The following MTCL2 variants were observed in gnomAD, a reference collection of about 807,000 sequenced individuals.
MTCL2 encodes the protein microtubule crosslinking factor 2, also known as microtubule cross-linking factor 2.
At chr20:36,852,623 G>A in the MTCL2 span, among the ~76,000 whole-genome samples, 2 of 152,192 alleles carry the variant, frequency 1.3e-5, no homozygotes, top group African/African-American at 4.8e-5. Flanking sequence ...AGAAGGACAG[G>A]GGACAATCCC....
the MTCL2 span, among the ~76,000 whole-genome samples, chr20:36,858,013 C>A: frequency 2.0e-5 from 3 of 152,084 alleles, no homozygotes; most frequent in Non-Finnish European, 4.4e-5. Context: ...AGGCTCCGGG[C>A]CCCCAGCATG....
the MTCL2 span, among the ~76,000 whole-genome samples, chr20:36,822,515 T>C: frequency 6.6e-6 from 1 of 152,232 alleles, no homozygotes; most frequent in South Asian, 2.1e-4. Context: ...GCCTGAGCTA[T>C]GTCCTCCCTT....
the MTCL2 span, among the ~76,000 whole-genome samples, chr20:36,789,089 C>A: frequency 3.9e-3 from 594 of 152,208 alleles, 2 homozygotes; most frequent in African/African-American, 0.013. Flanking sequence ...TTTTCTTTAT[C>A]CATCTCTGTG....
the MTCL2 span, among the ~76,000 whole-genome samples, chr20:36,791,882 A>C: frequency 6.6e-6 from 1 of 152,270 alleles, no homozygotes; most frequent in African/African-American, 2.4e-5. Context: ...TTTATAAAAC[A>C]TGCCATCCTT....
the MTCL2 span, chr20:36,797,495 C>T: frequency 6.4e-7 from 1 of 1,553,124 alleles, no homozygotes; most frequent in East Asian, 2.4e-5. Flanking sequence ...GCAGCCGCCC[C>T]ACTCACCTCC....
the MTCL2 span, among the ~76,000 whole-genome samples, chr20:36,833,825 C>A: frequency 6.6e-6 from 1 of 151,888 alleles, no homozygotes; most frequent in South Asian, 2.1e-4. Context: ...GTACTGCAGC[C>A]TGGGTGACAA....
At chr20:36,811,516 C>T in the MTCL2 span, among the ~76,000 whole-genome samples, 1 of 151,892 alleles carries the variant, frequency 6.6e-6, no homozygotes, top group Non-Finnish European at 1.5e-5. Context: ...ATAGTCCCAC[C>T]TAACTGGGAG....
the MTCL2 span, among the ~76,000 whole-genome samples, chr20:36,837,590 A>G: frequency 8.5e-6 from 1 of 117,888 alleles, no homozygotes; most frequent in African/African-American, 3.4e-5. Context: ...TATTATTATT[A>G]TTTTTGAGAC....
chr20:36,815,165 C>T, the MTCL2 span: 1 of 1,611,602 alleles, frequency 6.2e-7, no homozygotes, highest in African/African-American at 1.3e-5. The surrounding 1 kb of genome is among the most constrained non-coding windows in gnomAD (Gnocchi z 5.3). Context: ...GAAGAATCTC[C>T]TTAGAGAGCC....
At chr20:36,808,534 G>T in the MTCL2 span, 6 of 1,601,130 alleles carry the variant, frequency 3.7e-6, no homozygotes, top group Admixed American at 1.0e-4. Flanking sequence ...CATCCCCTTC[G>T]CTGGGCAAAA....
At chr20:36,810,217 C>T in the MTCL2 span, 1 of 1,309,038 alleles carries the variant, frequency 7.6e-7, no homozygotes, top group Non-Finnish European at 1.0e-6. Context: ...GATGTTGGAC[C>T]CAAGCTGTCC....
At chr20:36,784,428 C>T in the MTCL2 span, 2 of 985,684 alleles carry the variant, frequency 2.0e-6, no homozygotes, top group Non-Finnish European at 2.4e-6. Flanking sequence ...GGTCTGGGAA[C>T]TGGCAGGTGG....
chr20:36,859,915 C>T, the MTCL2 span: 47 of 1,230,678 alleles, frequency 3.8e-5, no homozygotes, highest in Non-Finnish European at 4.5e-5. Context: ...GGCAGCCTAG[C>T]GACCCTGCTC....
At chr20:36,793,781 C>T in the MTCL2 span, 1 of 1,540,866 alleles carries the variant, frequency 6.5e-7, no homozygotes, top group Non-Finnish European at 8.7e-7. This position sits in a 1 kb window ranked among gnomAD's most constrained non-coding sequence, Gnocchi z 6.8. Context: ...GGGGGAGCAG[C>T]AGGGCCGCTC....
chr20:36,853,330 G>A, the MTCL2 span, among the ~76,000 whole-genome samples: 5 of 152,210 alleles, frequency 3.3e-5, no homozygotes, highest in South Asian at 2.1e-4. Flanking sequence ...CCCGATGGGA[G>A]AGGAACCTCA....
the MTCL2 span, chr20:36,816,081 T>A: frequency 1.2e-6 from 2 of 1,613,454 alleles, no homozygotes; most frequent in Non-Finnish European, 1.7e-6. Context: ...GGCTTCCTCC[T>A]CCACCAGCTT....
chr20:36,847,853 C>CAAAAAAAAAAAAAAA, the MTCL2 span, among the ~76,000 whole-genome samples: 1 of 83,584 alleles, frequency 1.2e-5, no homozygotes, highest in Non-Finnish European at 2.4e-5. Flanking sequence ...CAGTCTGACT[C>CAAAAAAAAAAAAAAA]AAAAAAAAAA....
chr20:36,815,658 C>T, the MTCL2 span: 1 of 1,607,508 alleles, frequency 6.2e-7, no homozygotes, highest in Non-Finnish European at 8.5e-7. The surrounding 1 kb of genome is among the most constrained non-coding windows in gnomAD (Gnocchi z 5.3). Context: ...GAGGAGCACG[C>T]GGTTCTCGTA....
chr20:36,846,588 C>T, the MTCL2 span, among the ~76,000 whole-genome samples: 4 of 152,308 alleles, frequency 2.6e-5, no homozygotes, highest in African/African-American at 4.8e-5. Context: ...TCTCTTCCAC[C>T]GGTTCTCACC....
Sources: gnomAD v4.1 joint callset for allele counts (sites outside exome capture counted in the v4.1 genomes callset) on GRCh38, gnomAD v4.1.1 for gene constraint, Gnocchi (gnomAD v3.1) non-coding constraint, MANE v1.5 for transcripts, NCBI Gene and HGNC (gene_info 2026-07-23, HGNC 2026-07-21) for gene names.